CNKSR3: variants seen among roughly 807,000 people sequenced by gnomAD.
CNKSR3 encodes the protein CNKSR family member 3.
CNKSR3 carries 36 observed loss-of-function variants against 67.7 expected under a neutral mutation model. The observed-to-expected ratio is 0.53, with a 90% CI of 0.41 to 0.70. The LOEUF is 0.70. CNKSR3 is among the 30% of genes least tolerant of loss of function. The probability of loss-of-function intolerance (pLI) is 0.00; values close to 1 mark genes in which losing one functional copy is unlikely to be tolerated. For missense variants in CNKSR3, 630 were observed against 695.2 expected, an observed-to-expected ratio of 0.91 and a Z score of 1.05; for synonymous variants, 281 against 271.4, an observed-to-expected ratio of 1.04 and a Z score of -0.35.
chr6:154,452,588 TCATA>T (rs1562339497), intron 1 of CNKSR3, among the ~76,000 whole-genome samples: 1 of 152,248 alleles, frequency 6.6e-6, no homozygotes, highest in Non-Finnish European at 1.5e-5. Context: ...TTTTAATTCA[TCATA>T]CAAGTTTAGG....
At chr6:154,480,470 A>G (rs1257100349) in intron 1 of CNKSR3, among the ~76,000 whole-genome samples, 2 of 152,228 alleles carry the variant, frequency 1.3e-5, no homozygotes, top group African/African-American at 4.8e-5. Flanking sequence ...GCAGGCAGGT[A>G]AAGCCTTTGA....
chr6:154,454,895 G>T (rs1389508604), intron 1 of CNKSR3, among the ~76,000 whole-genome samples: 1 of 151,998 alleles, frequency 6.6e-6, no homozygotes, highest in Non-Finnish European at 1.5e-5. Context: ...ACTCCCAAAT[G>T]CTTAGATGGC....
intron 1 of CNKSR3, among the ~76,000 whole-genome samples, chr6:154,509,744 G>A (rs1787175958): frequency 2.0e-5 from 3 of 152,118 alleles, no homozygotes. Context: ...CAGGCAGGGA[G>A]AGCGCCCCCC....
chr6:154,464,651 G>C (rs867378663), intron 1 of CNKSR3, among the ~76,000 whole-genome samples: 1 of 151,676 alleles, frequency 6.6e-6, no homozygotes, highest in Non-Finnish European at 1.5e-5. Context: ...GAGAGGTGGA[G>C]GTTGCAGTGA....
chr6:154,478,118 T>G (rs1195557223), intron 1 of CNKSR3, among the ~76,000 whole-genome samples: 1 of 151,984 alleles, frequency 6.6e-6, no homozygotes, highest in African/African-American at 2.4e-5. Context: ...GAAAGGTGAG[T>G]ACAGCCTGAA....
chr6:154,406,352 T>TC lies in CNKSR3; in HGVS notation c.*1dup, dbSNP rs1274275709. On this transcript the variant is annotated 3_prime_UTR_variant, in exon 13 of 13. Transcript: ENST00000607772. ...AGGCAGGTGGCCTGAGCAGGGTCCC[T>TC]CTCAGTGAGTCAACAGTTTGAGGCG... is the stretch of plus-strand genomic sequence containing the variant. 6.2e-7 allele frequency: 1 copy of TC among 1,609,188 alleles called. No individual in the cohort carries two copies. The highest frequency in any genetic ancestry group is 1.1e-5 in the South Asian group (1 of 90,492).
Position 154,399,950 on chromosome 6 carries a change from T to C in CNKSR3, c.*6404A>G, listed in dbSNP as rs1159437564. Reference sequence around the variant, plus strand: ...CATTTTAATCATTTTTCTCCTGATATTTTCTCTCCTTTTAATCATTTCTTC... The same window carrying C: ...CATTTTAATCATTTTTCTCCTGATACTTTCTCTCCTTTTAATCATTTCTTC... On this transcript the variant is annotated 3_prime_UTR_variant, in exon 13 of 13. Coordinates refer to ENST00000607772, the MANE Select transcript of CNKSR3 (RefSeq NM_173515.4). 1 of 152,184 alleles carries C rather than the reference T, an allele frequency of 6.6e-6. No individual in the cohort carries two copies. The highest frequency in any genetic ancestry group is 1.5e-5 in the Non-Finnish European group (1 of 68,028). The allele number at this position is 152,184 out of a possible 1,614,324, so 9.4% of individuals were successfully genotyped here.
chr6:154,430,400 G>A (rs1562328721), intron 6 of CNKSR3, 72 bp downstream of exon 6: 2 of 1,401,460 alleles, frequency 1.4e-6, no homozygotes, highest in Non-Finnish European at 1.9e-6. Context: ...AAGCAATAAG[G>A]AATTTTTTTA....
chr6:154,462,858 G>A (rs571791204), intron 1 of CNKSR3, among the ~76,000 whole-genome samples: 7 of 152,198 alleles, frequency 4.6e-5, no homozygotes, highest in South Asian at 2.1e-4. Context: ...CCTGCCTCCC[G>A]CCACAGAGGG....
intron 1 of CNKSR3, among the ~76,000 whole-genome samples, chr6:154,500,238 T>A (rs910892126): frequency 6.7e-6 from 1 of 149,710 alleles, no homozygotes; most frequent in Admixed American, 6.8e-5. Flanking sequence ...AATTAATGCA[T>A]ATGTAAGTAA....
At chr6:154,442,341 G>A in intron 2 of CNKSR3, 51 bp from the exon 3 acceptor site, 2 of 1,515,806 alleles carry the variant, frequency 1.3e-6, no homozygotes, top group Non-Finnish European at 1.8e-6. Context: ...CACAATATTC[G>A]ACAGGGCGCG....
chr6:154,462,320 C>T (rs1056736747), intron 1 of CNKSR3, among the ~76,000 whole-genome samples: 5 of 150,994 alleles, frequency 3.3e-5, no homozygotes, highest in Non-Finnish European at 7.4e-5. Context: ...ACCCTCAACC[C>T]TAAGCAACTA....
intron 7 of CNKSR3, among the ~76,000 whole-genome samples, chr6:154,427,923 C>T (rs1335673127): frequency 6.6e-6 from 1 of 152,098 alleles, no homozygotes; most frequent in Non-Finnish European, 1.5e-5. Flanking sequence ...GGTATATGAA[C>T]AAGAGCAATA....
chr6:154,406,271 G>A lies in CNKSR3; in HGVS notation c.*83C>T. ...GCATAAGGTCCCTACATAATACTGA[G>A]GCTGAAACGAGAAGAGGCTGTCCAC... On this transcript the variant is annotated 3_prime_UTR_variant, in exon 13 of 13. Transcript: ENST00000607772. 1 of 1,297,178 alleles carries A rather than the reference G, an allele frequency of 7.7e-7. No individual in the cohort carries two copies. The highest frequency in any genetic ancestry group is 1.4e-5 in the South Asian group (1 of 69,810). 80.4% of individuals were successfully genotyped at this position (1,297,178 alleles called of 1,614,324 possible). A position where few individuals can be genotyped will look rare whatever the true frequency, so the allele number is the denominator to read the frequency against.
At chr6:154,449,615 G>A (rs961782498) in intron 2 of CNKSR3, among the ~76,000 whole-genome samples, 8 of 152,254 alleles carry the variant, frequency 5.3e-5, no homozygotes, top group Admixed American at 1.3e-4. Flanking sequence ...ATGAGCCACT[G>A]CGCCTCGCCA....
intron 9 of CNKSR3, 90 bp downstream of exon 9, chr6:154,422,416 A>T: frequency 7.8e-7 from 1 of 1,289,448 alleles, no homozygotes; most frequent in Non-Finnish European, 1.1e-6. Context: ...GAAACCAATC[A>T]ATCACCTTCA....
At chr6:154,451,472 C>CAT (rs1785825389) in intron 1 of CNKSR3, among the ~76,000 whole-genome samples, 2 of 71,518 alleles carry the variant, frequency 2.8e-5, no homozygotes, top group East Asian at 9.9e-4. Flanking sequence ...CCACCAAACG[C>CAT]GCACACACAC....
At chr6:154,431,336 C>T (rs998919949) in intron 5 of CNKSR3, among the ~76,000 whole-genome samples, 46 of 149,544 alleles carry the variant, frequency 3.1e-4, no homozygotes, top group African/African-American at 5.2e-4. Flanking sequence ...CCCAGCTACT[C>T]GGGAGGCTGA....
chr6:154,414,551 GTT>G, intron 9 of CNKSR3, 128 bp from the exon 10 acceptor site: 4 of 942,412 alleles, frequency 4.2e-6, no homozygotes, highest in Non-Finnish European at 6.8e-6. Context: ...TCATTCATGT[GTT>G]TACAGATATT....
Sources: allele counts gnomAD v4.1 joint callset (sites outside exome capture counted in the v4.1 genomes callset), GRCh38; gene constraint gnomAD v4.1.1; transcripts MANE v1.5; gene names NCBI Gene and HGNC (gene_info 2026-07-23, HGNC 2026-07-21).